The following USP34 variants were observed in gnomAD, a reference collection of about 807,000 sequenced individuals.
USP34 encodes ubiquitin specific peptidase 34.
In USP34, 70 loss-of-function variants were observed where a neutral mutation model predicts 460.3. The ratio of observed to expected loss-of-function variants is 0.15; its 90% confidence interval spans 0.13 to 0.19. The LOEUF is 0.19. Ranked by LOEUF, USP34 falls within the 10% of genes least tolerant of loss-of-function variation. The pLI is 1.00. For synonymous variants in USP34, 1,647 were observed against 1,405.3 expected (o/e 1.17, Z -3.85); for missense variants, 3,985 against 4,236.2 (o/e 0.94, Z 1.65).
At chr2:61,233,316 A>G (rs1473217819) in intron 57 of USP34, among the ~76,000 whole-genome samples, 1 of 152,234 alleles carries the variant, frequency 6.6e-6, no homozygotes, top group Non-Finnish European at 1.5e-5. Flanking sequence ...GGAAAATGCA[A>G]TTAGTCAAAG....
chr2:61,418,131 T>C (rs1396188540), intron 2 of USP34, among the ~76,000 whole-genome samples: 1 of 149,842 alleles, frequency 6.7e-6, no homozygotes, highest in African/African-American at 2.5e-5. Context: ...CAGGCTGGAA[T>C]GCAGTGGCAC....
intron 1 of USP34, among the ~76,000 whole-genome samples, chr2:61,446,241 T>C (rs574671196): frequency 1.3e-5 from 2 of 152,252 alleles, no homozygotes; most frequent in Non-Finnish European, 2.9e-5. Context: ...AACTGTTATA[T>C]ATTTTTGAAA....
At chr2:61,198,671 C>G (rs747163181) in intron 75 of USP34, among the ~76,000 whole-genome samples, 1 of 151,848 alleles carries the variant, frequency 6.6e-6, no homozygotes, top group Non-Finnish European at 1.5e-5. Context: ...GAGTTCGAGA[C>G]CAGCCTGCCT....
chr2:61,241,732 AC>A (rs1688268435), intron 52 of USP34, 33 bp downstream of exon 52: 1 of 1,502,846 alleles, frequency 6.7e-7, no homozygotes, highest in East Asian at 2.3e-5. Flanking sequence ...AGAAGAAAAA[AC>A]AATATAAAAT....
chr2:61,284,828 T>G, intron 35 of USP34, 47 bp downstream of exon 35: 1 of 1,423,288 alleles, frequency 7.0e-7, no homozygotes, highest in Admixed American at 2.2e-5. Context: ...TAAAACATTA[T>G]ATTCCTGCTA....
intron 15 of USP34, among the ~76,000 whole-genome samples, chr2:61,345,703 C>A (rs1004861271): frequency 6.6e-6 from 1 of 152,156 alleles, no homozygotes; most frequent in Non-Finnish European, 1.5e-5. Flanking sequence ...GGTGCAATCA[C>A]CACTCACTGC....
At chr2:61,376,808 T>C (rs922189690) in intron 8 of USP34, among the ~76,000 whole-genome samples, 10 of 152,154 alleles carry the variant, frequency 6.6e-5, no homozygotes, top group African/African-American at 2.4e-4. Context: ...CCACCACACC[T>C]AATTTTTGTA....
chr2:61,314,824 A>C, intron 24 of USP34, 51 bp downstream of exon 24: 1 of 1,594,692 alleles, frequency 6.3e-7, no homozygotes, highest in East Asian at 2.2e-5. Flanking sequence ...TAGTTTCACA[A>C]AACACCCTCA....
chr2:61,464,121 C>T (rs573518531), intron 1 of USP34, among the ~76,000 whole-genome samples: 1 of 152,332 alleles, frequency 6.6e-6, no homozygotes, highest in South Asian at 2.1e-4. Flanking sequence ...TAGTTCAAGA[C>T]CAGTGTGGCC....
chr2:61,308,921 A>G (rs1205598779), intron 27 of USP34, among the ~76,000 whole-genome samples: 1 of 152,168 alleles, frequency 6.6e-6, no homozygotes, highest in African/African-American at 2.4e-5. Context: ...ACCCACCTGT[A>G]GCCCCAGCTA....
At chr2:61,248,454 A>G (rs1018561143) in intron 49 of USP34, 57 bp downstream of exon 49, 4 of 1,476,580 alleles carry the variant, frequency 2.7e-6, no homozygotes, top group Non-Finnish European at 2.7e-6. Context: ...AATTATGCCT[A>G]CCTTGTTATG....
chr2:61,223,410 C>T, intron 62 of USP34, 114 bp from the exon 63 acceptor site: 1 of 1,067,354 alleles, frequency 9.4e-7, no homozygotes, highest in Non-Finnish European at 1.3e-6. Flanking sequence ...AACCTGCCAT[C>T]ATAAAATGAT....
At chr2:61,411,974 G>A (rs1306572921) in intron 2 of USP34, among the ~76,000 whole-genome samples, 1 of 152,058 alleles carries the variant, frequency 6.6e-6, no homozygotes. Flanking sequence ...TGGATCACCT[G>A]AGGTCAGAAG....
Position 61,406,078 on chromosome 2 carries a change from T to A in USP34, c.182A>T (p.Gln61Leu), listed in dbSNP as rs759282746. 1 of 1,612,916 alleles carries A rather than the reference T, an allele frequency of 6.2e-7. No homozygotes were observed. The highest frequency in any genetic ancestry group is 2.2e-5 in the East Asian group (1 of 44,830). Residue 61 changes from glutamine to leucine, a missense_variant, in exon 3 of 80, where the codon CAA (glutamine) becomes CTA (leucine). Gln to Leu is a moderately radical substitution (Grantham distance 113). Coordinates refer to ENST00000398571, the MANE Select transcript of USP34 (RefSeq NM_014709.4). The part of the protein sequence containing the change: ...KEYKHLEIFN[Q>L]VVCALINLVI... ...TAAGTTAATAAGTGCACACACTACT[T>A]GATTAAAAATCTCCAAATGCTTATA...
At chr2:61,362,563 G>A (rs1260559774) in intron 10 of USP34, among the ~76,000 whole-genome samples, 1 of 152,180 alleles carries the variant, frequency 6.6e-6, no homozygotes, top group Admixed American at 6.5e-5. Flanking sequence ...ACCAGACAAA[G>A]AGAGATAAAT....
At chr2:61,331,069 C>T (rs1691245710) in intron 20 of USP34, among the ~76,000 whole-genome samples, 1 of 152,172 alleles carries the variant, frequency 6.6e-6, no homozygotes, top group African/African-American at 2.4e-5. Context: ...CAAAAGTGAG[C>T]CAGCTACATT....
Position 61,348,191 on chromosome 2 carries a change from A to C in USP34, c.1964T>G (p.Leu655Arg), listed in dbSNP as rs374562864. The change falls in exon 15 of 80, where the codon CTG becomes CGG. Residue 655 changes from leucine to arginine, a missense_variant. Leu to Arg is a moderately radical substitution (Grantham distance 102). This residue lies in a region of USP34 where 716 missense variants were observed against 626.2 expected (regional missense o/e 1.14). Coordinates refer to ENST00000398571, the MANE Select transcript of USP34 (RefSeq NM_014709.4). ...TTCTGACATGCCTTGGGAGTCCCCC[A>C]GGCAAATGCCTGCTTGACTCTCTAA... is the stretch of plus-strand genomic sequence containing the variant. ...RKLESQAGIC[L>R]GDSQGMSERN... 127 of 1,614,214 alleles carry C rather than the reference A, an allele frequency of 7.9e-5. No individual in the cohort carries two copies. In the African/African-American group the frequency reaches 1.5e-3, roughly 19 times the overall value.
chr2:61,335,415 G>A (rs1204488094), intron 18 of USP34, among the ~76,000 whole-genome samples: 3 of 152,032 alleles, frequency 2.0e-5, no homozygotes, highest in Non-Finnish European at 2.9e-5. Flanking sequence ...ATAATCCTAG[G>A]CAACAATGTG....
rs181264001 is a variant in USP34 at position 61,194,876 on chromosome 2, G to T, written c.9509-1896C>A. On this transcript the variant is annotated intron_variant, in intron 75 of 79. Transcript: ENST00000398571. Reference sequence around the variant, plus strand: ...GCTGACGCAGGAGAATTGCTTGAACGCGGCAGGCGGAGGTTGCGGTGAGCC... The same window carrying T: ...GCTGACGCAGGAGAATTGCTTGAACTCGGCAGGCGGAGGTTGCGGTGAGCC... 8.5e-3 allele frequency among the ~76,000 whole-genome samples: 1,280 copies of T among 150,712 alleles called. 21 individuals carry two copies. Among genetic ancestry groups the T allele is most frequent in the Middle Eastern group, 0.038 (11 of 290 alleles).
Sources: allele counts gnomAD v4.1 joint callset (sites outside exome capture counted in the v4.1 genomes callset), GRCh38; gene constraint gnomAD v4.1.1; regional missense constraint gnomAD v4.1.1; transcripts MANE v1.5; gene names NCBI Gene and HGNC (gene_info 2026-07-23, HGNC 2026-07-21).